CCSER1: variants seen among roughly 807,000 people sequenced by gnomAD.
CCSER1 encodes coiled-coil serine rich protein 1.
CCSER1 carries 41 observed loss-of-function variants against 82.0 expected under a neutral mutation model. The observed-to-expected ratio is 0.50, with a 90% CI of 0.39 to 0.65. The LOEUF (loss-of-function observed/expected upper bound fraction) is 0.65, where lower values mean the gene tolerates loss of function less well. CCSER1 is among the 30% of genes least tolerant of loss of function. The pLI, the probability that CCSER1 is intolerant of heterozygous loss-of-function variation, is 0.00. For missense variants in CCSER1, 1,119 were observed against 1,064.2 expected (o/e 1.05, Z -0.72); for synonymous variants, 414 against 383.9 (o/e 1.08, Z -0.92).
intron 5 of CCSER1, among the ~76,000 whole-genome samples, chr4:90,556,633 G>A (rs1457773080): frequency 6.6e-6 from 1 of 151,804 alleles, no homozygotes; most frequent in Admixed American, 6.6e-5. Flanking sequence ...AATAAAGTAA[G>A]CTAGAGAAAA....
At chr4:90,472,798 G>A (rs1764569060) in intron 5 of CCSER1, among the ~76,000 whole-genome samples, 1 of 152,118 alleles carries the variant, frequency 6.6e-6, no homozygotes, top group Non-Finnish European at 1.5e-5. Flanking sequence ...GTTCACAATA[G>A]CAGAGTCATG....
intron 5 of CCSER1, among the ~76,000 whole-genome samples, chr4:90,558,362 T>G (rs1462993624): frequency 2.0e-5 from 3 of 152,200 alleles, no homozygotes; most frequent in Non-Finnish European, 2.9e-5. Flanking sequence ...CATTTTATGT[T>G]TCAAAATCAT....
chr4:90,578,531 T>G (rs1320971518), intron 5 of CCSER1, among the ~76,000 whole-genome samples: 9 of 152,150 alleles, frequency 5.9e-5, no homozygotes, highest in Non-Finnish European at 1.0e-4. Context: ...GAGTTATAAT[T>G]CTCTTAGAGA....
At chr4:91,101,564 G>A (rs1032933930) in intron 10 of CCSER1, among the ~76,000 whole-genome samples, 5 of 152,082 alleles carry the variant, frequency 3.3e-5, no homozygotes, top group African/African-American at 1.2e-4. Context: ...GAACTCGGGA[G>A]GCGGAGGTTG....
intron 5 of CCSER1, among the ~76,000 whole-genome samples, chr4:90,608,210 A>G (rs1407522597): frequency 6.6e-6 from 1 of 152,152 alleles, no homozygotes; most frequent in African/African-American, 2.4e-5. Context: ...TGGGTCCTCT[A>G]TTAGGGTCCC....
chr4:91,137,127 C>A (rs1220540465), intron 10 of CCSER1, among the ~76,000 whole-genome samples: 2 of 143,054 alleles, frequency 1.4e-5, no homozygotes, highest in Non-Finnish European at 3.1e-5. Flanking sequence ...CGTCATCTAG[C>A]CTTAGGTATA....
intron 7 of CCSER1, among the ~76,000 whole-genome samples, chr4:90,760,751 G>GT (rs534884717): frequency 3.2e-4 from 48 of 152,168 alleles, no homozygotes; most frequent in African/African-American, 1.1e-3. Flanking sequence ...CTACAGGTAA[G>GT]TTTTTTAATT....
chr4:90,432,597 TTCTTTCTTTCTC>T (rs1195308682), intron 4 of CCSER1, among the ~76,000 whole-genome samples: 5 of 151,832 alleles, frequency 3.3e-5, no homozygotes, highest in African/African-American at 1.2e-4. Context: ...CTCTCTTTCT[TTCTTTCTTTCTC>T]TCTTTCTTTA....
At position 90,491,882 on chromosome 4, in the gene CCSER1, T is replaced by G. The variant is rs543920147; in HGVS notation, c.1724+23528T>G. On this transcript the variant is annotated intron_variant, in intron 5 of 10. Transcript: ENST00000509176. ...GGGATGAAGCCCACTTGATAATGGTTGATAAGCTTTTTGATGTGCTGCTGG... is the reference window on the plus strand; with the variant it reads ...GGGATGAAGCCCACTTGATAATGGTGGATAAGCTTTTTGATGTGCTGCTGG... 9.3e-3 allele frequency among the ~76,000 whole-genome samples: 1,409 copies of G among 152,128 alleles called. 16 individuals are homozygous for G. Among genetic ancestry groups the G allele is most frequent in the Middle Eastern group, 0.014 (4 of 294 alleles).
intron 10 of CCSER1, among the ~76,000 whole-genome samples, chr4:91,112,213 T>A (rs1017672605): frequency 6.6e-6 from 1 of 152,088 alleles, no homozygotes; most frequent in African/African-American, 2.4e-5. Flanking sequence ...TGAGGACAAG[T>A]CCAGTTTTTA....
intron 4 of CCSER1, among the ~76,000 whole-genome samples, chr4:90,464,663 C>T (rs1211222334): frequency 6.6e-6 from 1 of 152,106 alleles, no homozygotes; most frequent in African/African-American, 2.4e-5. Context: ...TATGTTGTTG[C>T]CTCAAACTGT....
intron 10 of CCSER1, among the ~76,000 whole-genome samples, chr4:91,482,326 C>T (rs1420304308): frequency 2.2e-4 from 18 of 82,622 alleles, no homozygotes; most frequent in Non-Finnish European, 3.5e-4. Context: ...GGCGTGAACC[C>T]GGGAAGCGGA....
intron 8 of CCSER1, among the ~76,000 whole-genome samples, chr4:90,882,133 A>C (rs1013142930): frequency 2.0e-5 from 3 of 152,070 alleles, no homozygotes; most frequent in African/African-American, 7.2e-5. Context: ...TTGTTATATA[A>C]TATCAGCTAG....
At chr4:90,741,172 G>T (rs912864269) in intron 7 of CCSER1, among the ~76,000 whole-genome samples, 1 of 152,082 alleles carries the variant, frequency 6.6e-6, no homozygotes, top group African/African-American at 2.4e-5. Context: ...AGCCAATAAA[G>T]GGCTTAATTA....
chr4:91,006,495 T>C (rs1738523251), intron 9 of CCSER1, among the ~76,000 whole-genome samples: 1 of 151,386 alleles, frequency 6.6e-6, no homozygotes, highest in African/African-American at 2.4e-5. Flanking sequence ...TTTTTTTCTT[T>C]TTTTTTTTTT....
intron 8 of CCSER1, among the ~76,000 whole-genome samples, chr4:90,859,391 C>G (rs1764811290): frequency 6.6e-6 from 1 of 151,796 alleles, no homozygotes; most frequent in African/African-American, 2.4e-5. Context: ...CATGATACAA[C>G]TACAGTAATT....
intron 10 of CCSER1, among the ~76,000 whole-genome samples, chr4:91,518,270 CAATT>C (rs964522166): frequency 6.6e-5 from 10 of 152,136 alleles, no homozygotes; most frequent in South Asian, 2.1e-4. Flanking sequence ...GAGCGGCAAT[CAATT>C]AGTGCTATTG....
intron 5 of CCSER1, among the ~76,000 whole-genome samples, chr4:90,533,739 A>T (rs1213423648): frequency 6.6e-6 from 1 of 152,192 alleles, no homozygotes; most frequent in Non-Finnish European, 1.5e-5. Context: ...TTATTTTTTA[A>T]GGTGGAGAAT....
rs187047702 is a variant in CCSER1, at chr4:91,513,415, G to C, written c.2218-85157G>C. Among the ~76,000 whole-genome samples, 342 of 152,180 alleles carry C rather than the reference G, an allele frequency of 2.2e-3. 1 individual carries two copies. Among genetic ancestry groups the C allele is most frequent in the Non-Finnish European group, 3.8e-3 (255 of 67,976 alleles). ...CTGTGTTCAGCAGGGATATTAGCCT[G>C]TGGTTTTCCTTTTCCCATGAGTCTT... is the stretch of plus-strand genomic sequence containing the variant. On this transcript the variant is annotated intron_variant, in intron 10 of 10. Coordinates refer to ENST00000509176, the MANE Select transcript of CCSER1 (RefSeq NM_001145065.2).
Sources: gnomAD v4.1 joint callset for allele counts (sites outside exome capture counted in the v4.1 genomes callset) on GRCh38, gnomAD v4.1.1 for gene constraint, MANE v1.5 for transcripts, NCBI Gene and HGNC (gene_info 2026-07-23, HGNC 2026-07-21) for gene names.